Variants in BCAR1 observed in about 807,000 individuals in gnomAD.
The protein encoded by BCAR1 is breast cancer anti-estrogen resistance protein 1.
BCAR1 carries 30 observed loss-of-function variants against 67.6 expected under a neutral mutation model. That is an observed-to-expected ratio of 0.44 (90% CI 0.33 to 0.60). The LOEUF is 0.60. Among genes scored for constraint, BCAR1 ranks in the 20% least tolerant of loss-of-function variants. BCAR1 has a pLI of 0.02. For missense variants in BCAR1, 1,313 were observed against 1,222.3 expected (o/e 1.07, Z -1.11); for synonymous variants, 626 against 556.7 (o/e 1.12, Z -1.75).
chr16:75,262,824 T>C, intron 1 of BCAR1, among the ~76,000 whole-genome samples: 1 of 152,168 alleles, frequency 6.6e-6, no homozygotes, highest in East Asian at 1.9e-4. Flanking sequence ...CCTTGGGTGC[T>C]ACCTGCTCTG....
Position 75,235,155 on chromosome 16 carries a change from A to G in BCAR1, c.1744T>C (p.Cys582Arg). The change falls in exon 5 of 7, where the codon TGC (cysteine) becomes CGC (arginine). Residue 582 changes from cysteine (C) to arginine (R), a missense_variant. Physicochemically the swap from Cys to Arg is radical, Grantham distance 180 (BLOSUM62 -3). Transcript: ENST00000162330. Reference sequence around the variant, plus strand: ...GCGTCCTCGGGCACAGCCCGCGAGCAGGCCACCAGCCGGTCCAGGTCCTCA... The same window carrying G: ...GCGTCCTCGGGCACAGCCCGCGAGCGGGCCACCAGCCGGTCCAGGTCCTCA... Reference protein sequence around the residue: ...TLEDLDRLVACSRAVPEDAKQ... With the variant: ...TLEDLDRLVARSRAVPEDAKQ... The G allele has an allele frequency of 6.2e-7, 1 of 1,608,832 alleles. No homozygotes were observed. Among genetic ancestry groups the G allele is most frequent in the Non-Finnish European group, 8.5e-7 (1 of 1,179,872 alleles).
chr16:75,228,430 C>CCAT lies in BCAR1; in HGVS notation c.*1078_*1080dup, dbSNP rs2076779621. 1 of 152,312 alleles carries CCAT rather than the reference C, an allele frequency of 6.6e-6. No individual in the cohort carries two copies. Among genetic ancestry groups the CCAT allele is most frequent in the Non-Finnish European group, 1.5e-5 (1 of 68,118 alleles). 9.4% of individuals were successfully genotyped at this position (152,312 alleles called of 1,614,324 possible). A position where few individuals can be genotyped will look rare whatever the true frequency, so the allele number is the denominator to read the frequency against. Reference sequence around the variant, plus strand: ...AGGGGTTCCAAGCACCCTGAAGCTTCCATCTGGGCTGCGGGCTGCTGGGTG... The same window carrying CCAT: ...AGGGGTTCCAAGCACCCTGAAGCTTCCATCATCTGGGCTGCGGGCTGCTGGGTG... On this transcript the variant is annotated 3_prime_UTR_variant, in exon 7 of 7. Coordinates refer to ENST00000162330, the MANE Select transcript of BCAR1 (RefSeq NM_014567.5).
chr16:75,251,652 C>A (rs1385582684), upstream of BCAR1: 8 of 998,280 alleles, frequency 8.0e-6, no homozygotes, highest in Non-Finnish European at 9.5e-6. Context: ...CGCCACGGCC[C>A]AGCCGGCCCA....
At chr16:75,266,062 T>A in intron 1 of BCAR1, 2 of 1,018,542 alleles carry the variant, frequency 2.0e-6, no homozygotes, top group African/African-American at 3.5e-5. Flanking sequence ...GCGTTAAAGG[T>A]GAGGACCCCG....
chr16:75,233,850 T>G lies in BCAR1; in HGVS notation c.2096A>C (p.Gln699Pro). ...TRQGKSQLEL[Q>P]QLKQFERLEQ... ...TGCTCTGCTCCGGGGCCTCACCTGC[T>G]GCAACTCCAGCTGGCTCTTGCCCTG... Residue 699 changes from glutamine to proline, a missense_variant, in exon 6 of 7, where the codon CAG becomes CCG. Gln to Pro is a moderately conservative substitution (Grantham distance 76). This residue lies in a region of BCAR1 where 1,272 missense variants were observed against 1,137.5 expected (regional missense o/e 1.12). Transcript: ENST00000162330. The G allele has an allele frequency of 6.2e-7, 1 of 1,604,590 alleles. No homozygotes were observed. Among genetic ancestry groups the G allele is most frequent in the Non-Finnish European group, 8.5e-7 (1 of 1,175,800 alleles).
chr16:75,237,520 C>G (rs549301653), intron 2 of BCAR1, 176 bp from the exon 3 acceptor site: 1 of 741,372 alleles, frequency 1.3e-6, no homozygotes, highest in East Asian at 3.4e-5. Flanking sequence ...CTTCCTCTAG[C>G]AGAACGCAGT....
chr16:75,245,256 C>A (rs1354066733), intron 1 of BCAR1, among the ~76,000 whole-genome samples: 1 of 152,234 alleles, frequency 6.6e-6, no homozygotes, highest in Non-Finnish European at 1.5e-5. Context: ...ACCCTACACA[C>A]CACAGAGCTG....
chr16:75,228,229 G>A lies in BCAR1; in HGVS notation c.*1282C>T, dbSNP rs1036236901. ...TACCTCTGTGTCCTCACCAAGGCAG[G>A]TGGGCTGAGCATGATGTGGCTGAGG... On this transcript the variant is annotated 3_prime_UTR_variant, in exon 7 of 7. Coordinates refer to ENST00000162330, the MANE Select transcript of BCAR1 (RefSeq NM_014567.5). The A allele has an allele frequency of 6.6e-5, 10 of 152,460 alleles. No individual in the cohort carries two copies. The highest frequency in any genetic ancestry group is 2.4e-4 in the African/African-American group (10 of 41,470). 9.4% of individuals were successfully genotyped at this position (152,460 alleles called of 1,614,324 possible).
At chr16:75,238,343 A>C (rs925563762) in intron 2 of BCAR1, 2 of 1,115,968 alleles carry the variant, frequency 1.8e-6, no homozygotes, top group Non-Finnish European at 2.2e-6. Flanking sequence ...AGCTCTCTCC[A>C]CTGAAAGACC....
At chr16:75,234,819 C>G in intron 5 of BCAR1, 70 bp downstream of exon 5, 2 of 1,505,788 alleles carry the variant, frequency 1.3e-6, no homozygotes, top group East Asian at 2.3e-5. Flanking sequence ...CAGCTGAGAA[C>G]AAATCTCCCC....
chr16:75,230,618 C>A (rs74599414), intron 6 of BCAR1, among the ~76,000 whole-genome samples: 12 of 152,298 alleles, frequency 7.9e-5, no homozygotes, highest in African/African-American at 2.9e-4. Flanking sequence ...ATTTCCACTC[C>A]CGTGCCTAGG....
exon 1 of BCAR1, chr16:75,267,977 G>A: frequency 6.3e-7 from 1 of 1,588,698 alleles, no homozygotes; most frequent in Non-Finnish European, 8.5e-7. Context: ...CCAGGGCAGT[G>A]CATGCCCTCT....
intron 1 of BCAR1, 120 bp from the exon 2 acceptor site, chr16:75,243,210 G>A: frequency 9.3e-7 from 1 of 1,080,184 alleles, no homozygotes; most frequent in Non-Finnish European, 1.3e-6. Flanking sequence ...AGAACTCAGT[G>A]GAGTTTGGCG....
At chr16:75,230,874 C>T (rs531670874) in intron 6 of BCAR1, among the ~76,000 whole-genome samples, 18 of 152,162 alleles carry the variant, frequency 1.2e-4, no homozygotes, top group Non-Finnish European at 2.1e-4. Context: ...ATACATACTC[C>T]GCTTTTTTTC....
Position 75,229,940 on chromosome 16 carries a change from C to T in BCAR1, c.2184G>A (p.Leu728=), listed in dbSNP as rs1244873031. 6.2e-7 allele frequency: 1 copy of T among 1,603,890 alleles called. No homozygotes were observed. Among genetic ancestry groups the T allele is most frequent in the Admixed American group, 1.7e-5 (1 of 59,664 alleles). Reference sequence around the variant, plus strand: ...CCAGGCCGCCTGTTCGCCCCGGGGCCAGGGGTTGGGCTGGCGTCCAGTTGG... The same window carrying T: ...CCAGGCCGCCTGTTCGCCCCGGGGCTAGGGGTTGGGCTGGCGTCCAGTTGG... ...DLANWTPAQP[L]APGRTGGLGP... The change falls in exon 7 of 7, where the codon CTG becomes CTA. Residue 728 remains leucine (L), a synonymous_variant. Coordinates refer to ENST00000162330, the MANE Select transcript of BCAR1 (RefSeq NM_014567.5).
chr16:75,262,582 G>C (rs1052183252), intron 1 of BCAR1, among the ~76,000 whole-genome samples: 1 of 152,126 alleles, frequency 6.6e-6, no homozygotes, highest in East Asian at 1.9e-4. Context: ...CTTTGAACCT[G>C]GACACTGCCT....
At chr16:75,237,035 G>A in intron 3 of BCAR1, 37 bp from the exon 4 acceptor site, 1 of 1,547,430 alleles carries the variant, frequency 6.5e-7, no homozygotes, top group Non-Finnish European at 8.7e-7. Flanking sequence ...CGGCGCCAGG[G>A]CCACTTGGGG....
At chr16:75,247,808 C>G (rs1450891422) in intron 1 of BCAR1, 26 of 543,238 alleles carry the variant, frequency 4.8e-5, no homozygotes, top group South Asian at 3.2e-4. Flanking sequence ...TTTCACCCAG[C>G]AAATATGACC....
rs2077219143 is a variant in BCAR1 at position 75,238,508 on chromosome 16, T to G, written c.634-1164A>C. 3 of 994,560 alleles carry G rather than the reference T, an allele frequency of 3.0e-6. No homozygotes were observed. The South Asian group carries it at 1.3e-4, about 44-fold the overall frequency. The allele number at this position is 994,560 out of a possible 1,614,324, so 61.6% of individuals were successfully genotyped here. ...CCCAATGCAGGCAGGCAGCCAGCCC[T>G]GCTTGCTGAGGGTGCTGTGAGGGGG... On this transcript the variant is annotated intron_variant, in intron 2 of 6. Transcript: ENST00000162330.
Sources: allele counts gnomAD v4.1 joint callset (sites outside exome capture counted in the v4.1 genomes callset), GRCh38; gene constraint gnomAD v4.1.1; regional missense constraint gnomAD v4.1.1; transcripts MANE v1.5; gene names NCBI Gene and HGNC (gene_info 2026-07-23, HGNC 2026-07-21).